ELAVL2: variants seen among roughly 807,000 people sequenced by gnomAD.
ELAVL2 encodes ELAV-like protein 2.
A neutral mutation model predicts 34.6 loss-of-function variants in ELAVL2; 4 were observed. That is an observed-to-expected ratio of 0.12 (90% CI 0.06 to 0.26). ELAVL2 has a LOEUF of 0.26. ELAVL2 is among the 10% of genes least tolerant of loss of function. The pLI, the probability that ELAVL2 is intolerant of heterozygous loss-of-function variation, is 1.00. For missense variants in ELAVL2, 432 were observed against 442.8 expected, an observed-to-expected ratio of 0.98 and a Z score of 0.22; for synonymous variants, 193 against 154.8, an observed-to-expected ratio of 1.25 and a Z score of -1.83.
chr9:23,767,429 T>G (rs2056506989), intron 1 of ELAVL2, among the ~76,000 whole-genome samples: 1 of 152,152 alleles, frequency 6.6e-6, no homozygotes, highest in Non-Finnish European at 1.5e-5. Context: ...GGTAATCAGC[T>G]TCTTCACTAT....
intron 1 of ELAVL2, among the ~76,000 whole-genome samples, chr9:23,801,187 G>A (rs760199876): frequency 6.6e-6 from 1 of 152,116 alleles, no homozygotes; most frequent in Non-Finnish European, 1.5e-5. Context: ...ACTGAAGTAT[G>A]AAATAAATAT....
chr9:23,834,396 C>A, the ELAVL2 span, among the ~76,000 whole-genome samples: 1 of 151,916 alleles, frequency 6.6e-6, no homozygotes, highest in East Asian at 1.9e-4. Flanking sequence ...GGATTTGAAC[C>A]TGATTTCACG....
At chr9:23,787,800 T>C (rs997606325) in intron 1 of ELAVL2, among the ~76,000 whole-genome samples, 11 of 152,166 alleles carry the variant, frequency 7.2e-5, no homozygotes, top group African/African-American at 1.7e-4. Flanking sequence ...TGAGAACCAC[T>C]GTAAAAGACT....
At chr9:23,836,562 G>A in the ELAVL2 span, among the ~76,000 whole-genome samples, 3 of 152,092 alleles carry the variant, frequency 2.0e-5, no homozygotes, top group East Asian at 5.8e-4. Flanking sequence ...CTCTTTGTAA[G>A]GTTTGTATAA....
intron 3 of ELAVL2, among the ~76,000 whole-genome samples, chr9:23,725,735 G>T (rs1430048029): frequency 1.3e-5 from 2 of 152,148 alleles, no homozygotes; most frequent in Non-Finnish European, 2.9e-5. Flanking sequence ...AGTGAAAGAA[G>T]AAGGCAATTA....
At chr9:23,812,459 G>T (rs949177051) in intron 1 of ELAVL2, among the ~76,000 whole-genome samples, 1 of 151,990 alleles carries the variant, frequency 6.6e-6, no homozygotes, top group South Asian at 2.1e-4. Context: ...AATCTTTAGG[G>T]GGATAAAACA....
At position 23,819,285 on chromosome 9, in the gene ELAVL2, G is replaced by C. The variant is rs577068135; in HGVS notation, c.-16+6521C>G. Among the ~76,000 whole-genome samples, 11 of 152,158 alleles carry C rather than the reference G, an allele frequency of 7.2e-5. No individual in the cohort carries two copies. In the South Asian group the frequency reaches 8.3e-4, roughly 11 times the overall value. On this transcript the variant is annotated intron_variant, in intron 1 of 6. Transcript: ENST00000397312. ...GTCTTAACTAAAACCACTGAAACTG[G>C]GACAGAAAGGCTTTGTTTTTCTCTT...
the ELAVL2 span, among the ~76,000 whole-genome samples, chr9:23,848,179 T>A: frequency 6.6e-6 from 1 of 152,146 alleles, no homozygotes. Flanking sequence ...CAGGATTAAT[T>A]ATAAATTTAA....
At chr9:23,747,497 A>G (rs1413632302) in intron 2 of ELAVL2, among the ~76,000 whole-genome samples, 2 of 152,164 alleles carry the variant, frequency 1.3e-5, no homozygotes, top group African/African-American at 4.8e-5. Context: ...ACTGGCTGAT[A>G]TTCTCCAGCA....
chr9:23,727,035 C>T (rs1309884412), intron 3 of ELAVL2, among the ~76,000 whole-genome samples: 1 of 152,044 alleles, frequency 6.6e-6, no homozygotes, highest in Non-Finnish European at 1.5e-5. Context: ...CTGAACTGTA[C>T]ACATATCACC....
intron 1 of ELAVL2, among the ~76,000 whole-genome samples, chr9:23,764,478 GA>G (rs1213097804): frequency 3.3e-5 from 5 of 152,058 alleles, no homozygotes; most frequent in African/African-American, 1.2e-4. Context: ...AGAATAAAAT[GA>G]TACTAATGTG....
At chr9:23,788,344 A>G (rs1403227933) in intron 1 of ELAVL2, among the ~76,000 whole-genome samples, 1 of 152,154 alleles carries the variant, frequency 6.6e-6, no homozygotes, top group Non-Finnish European at 1.5e-5. Flanking sequence ...TGGAGAAAAT[A>G]ATCCTATCAT....
At chr9:23,744,678 G>C (rs1247959371) in intron 2 of ELAVL2, among the ~76,000 whole-genome samples, 4 of 151,700 alleles carry the variant, frequency 2.6e-5, no homozygotes, top group African/African-American at 9.7e-5. Flanking sequence ...TATATATACT[G>C]AAATGGATCT....
chr9:23,822,305 C>T (rs13290876), intron 1 of ELAVL2, among the ~76,000 whole-genome samples: 2,027 of 152,294 alleles, frequency 0.013, 20 homozygotes, highest in Middle Eastern at 0.024. Flanking sequence ...GCTTAGCCCC[C>T]TGCTGCCCCT....
In ELAVL2 at chr9:23,696,528, G is replaced by T. The variant is rs565702509; in HGVS notation, c.714-3042C>A. ...CTGTCACCCAGGCTGGAGTGCAGTGGCGTGATCTCGGCTCACTGCAAACTC... is the reference window on the plus strand; with the variant it reads ...CTGTCACCCAGGCTGGAGTGCAGTGTCGTGATCTCGGCTCACTGCAAACTC... On this transcript the variant is annotated intron_variant, in intron 5 of 6. Transcript: ENST00000397312. Among the ~76,000 whole-genome samples the T allele has an allele frequency of 2.0e-5, 3 of 152,274 alleles. No homozygotes were observed. The East Asian group carries it at 5.8e-4, about 29-fold the overall frequency.
At chr9:23,757,549 G>A (rs763247297) in intron 2 of ELAVL2, among the ~76,000 whole-genome samples, 1 of 151,514 alleles carries the variant, frequency 6.6e-6, no homozygotes, top group African/African-American at 2.4e-5. Context: ...CTCATTCCTT[G>A]CATCATAAAA....
chr9:23,829,359 C>T (rs375820948), upstream of ELAVL2, among the ~76,000 whole-genome samples: 67 of 152,272 alleles, frequency 4.4e-4, no homozygotes, highest in South Asian at 0.014. Flanking sequence ...AAATAACTCC[C>T]TTACACTAGA....
chr9:23,741,283 C>T (rs549588538), intron 2 of ELAVL2, among the ~76,000 whole-genome samples: 3 of 152,152 alleles, frequency 2.0e-5, no homozygotes, highest in African/African-American at 7.2e-5. Context: ...AGCAAACCGA[C>T]CCCCCATCCT....
intron 2 of ELAVL2, among the ~76,000 whole-genome samples, chr9:23,761,336 G>A (rs1056135702): frequency 6.6e-6 from 1 of 151,896 alleles, no homozygotes; most frequent in African/African-American, 2.4e-5. Context: ...TCCCAAGAAC[G>A]TGCTCTTTAA....
Sources: allele counts gnomAD v4.1 joint callset (sites outside exome capture counted in the v4.1 genomes callset), GRCh38; gene constraint gnomAD v4.1.1; transcripts MANE v1.5; gene names NCBI Gene and HGNC (gene_info 2026-07-23, HGNC 2026-07-21).